Variants in CHLSN observed in about 807,000 individuals in gnomAD.
CHLSN encodes the protein protein cholesin.
the CHLSN span, among the ~76,000 whole-genome samples, chr7:1,016,832 GCAGCGCACGC>G: frequency 8.5e-6 from 1 of 117,694 alleles, no homozygotes; most frequent in East Asian, 2.4e-4. Context: ...GCAGCGCACA[GCAGCGCACGC>G]CAGCACACAG....
chr7:1,122,794 A>G, the CHLSN span, among the ~76,000 whole-genome samples: 5 of 152,232 alleles, frequency 3.3e-5, no homozygotes, highest in Non-Finnish European at 7.3e-5. Context: ...GGAAGCAGAC[A>G]GGGCAAACCC....
the CHLSN span, among the ~76,000 whole-genome samples, chr7:1,134,504 G>T: frequency 6.6e-6 from 1 of 152,002 alleles, no homozygotes; most frequent in East Asian, 1.9e-4. Context: ...AAACTATGGA[G>T]ATTACAGTGA....
chr7:1,034,565 A>G, the CHLSN span, among the ~76,000 whole-genome samples: 51 of 152,304 alleles, frequency 3.3e-4, 4 homozygotes, highest in East Asian at 9.8e-3. Context: ...ACACAGAGGA[A>G]CAGAGAACAG....
At chr7:985,372 G>A in the CHLSN span, 2 of 1,530,536 alleles carry the variant, frequency 1.3e-6, no homozygotes, top group Admixed American at 2.0e-5. Context: ...CTGGAGTGAT[G>A]GGCGTGCAGC....
the CHLSN span, among the ~76,000 whole-genome samples, chr7:1,071,638 G>A: frequency 6.6e-6 from 1 of 152,198 alleles, no homozygotes; most frequent in African/African-American, 2.4e-5. Context: ...GGCAGGAACA[G>A]GTTCAGGAGA....
At chr7:1,070,891 C>T in the CHLSN span, among the ~76,000 whole-genome samples, 11 of 150,204 alleles carry the variant, frequency 7.3e-5, no homozygotes, top group Admixed American at 4.0e-4. Flanking sequence ...CATGCACACA[C>T]GTGCACACAC....
chr7:1,045,774 C>T, the CHLSN span: 1 of 152,266 alleles, frequency 6.6e-6, no homozygotes, highest in Admixed American at 6.5e-5. Context: ...GACTTAAGAA[C>T]ATAGTTTATA....
At chr7:1,124,566 TGGG>T in the CHLSN span, among the ~76,000 whole-genome samples, 1 of 25,286 alleles carries the variant, frequency 4.0e-5, no homozygotes, top group African/African-American at 2.4e-4. Context: ...AGTCGGGGGG[TGGG>T]GGGGGAGGGG....
the CHLSN span, among the ~76,000 whole-genome samples, chr7:1,116,705 C>T: frequency 9.1e-5 from 5 of 54,888 alleles, 1 homozygote; most frequent in Non-Finnish European, 3.1e-5. Flanking sequence ...CTCTACGGAC[C>T]GGCTTCCATC....
chr7:1,104,674 G>A, the CHLSN span, among the ~76,000 whole-genome samples: 8 of 152,342 alleles, frequency 5.3e-5, no homozygotes, highest in South Asian at 6.2e-4. Context: ...AGCAGGAGAC[G>A]TGAGCCGGGT....
chr7:1,045,621 G>A, the CHLSN span: 1 of 152,192 alleles, frequency 6.6e-6, no homozygotes, highest in Non-Finnish European at 1.5e-5. Context: ...AGTGAACGGA[G>A]GCACTGTTAA....
chr7:1,097,274 G>A, the CHLSN span, among the ~76,000 whole-genome samples: 2 of 152,176 alleles, frequency 1.3e-5, no homozygotes, highest in Non-Finnish European at 1.5e-5. The surrounding 1 kb of genome is among the most constrained non-coding windows in gnomAD (Gnocchi z 4.3). Context: ...GATTTGGGCC[G>A]GGGCAGGGAG....
At chr7:980,100 T>C in the CHLSN span, among the ~76,000 whole-genome samples, 91 of 152,286 alleles carry the variant, frequency 6.0e-4, 1 homozygote, top group Admixed American at 1.2e-3. Flanking sequence ...GACAGTGTGG[T>C]TGGGAGAATC....
chr7:987,158 C>A, the CHLSN span: 1 of 1,577,370 alleles, frequency 6.3e-7, no homozygotes, highest in Admixed American at 1.8e-5. Flanking sequence ...GGCCTGCACC[C>A]TGGACATGGT....
the CHLSN span, among the ~76,000 whole-genome samples, chr7:1,116,018 G>C: frequency 1.1e-4 from 14 of 123,456 alleles, no homozygotes; most frequent in African/African-American, 4.0e-4. Flanking sequence ...CGCCCACGCA[G>C]GATGATGACA....
chr7:1,067,231 A>G, the CHLSN span, among the ~76,000 whole-genome samples: 1 of 118,498 alleles, frequency 8.4e-6, no homozygotes, highest in Non-Finnish European at 1.7e-5. Context: ...CCCAGAAGTG[A>G]GGGTTTGGGG....
chr7:984,934 C>A, the CHLSN span: 1 of 1,581,558 alleles, frequency 6.3e-7, no homozygotes, highest in Non-Finnish European at 8.6e-7. Context: ...TCACCACGCA[C>A]TGTATCTGCC....
the CHLSN span, among the ~76,000 whole-genome samples, chr7:1,136,435 TATATATAAATATATATAAAC>T: frequency 9.6e-6 from 1 of 103,896 alleles, no homozygotes; most frequent in Non-Finnish European, 1.7e-5. Flanking sequence ...TATATAAACA[TATATATAAATATATATAAAC>T]ATATATAAAC....
At chr7:1,116,237 G>A in the CHLSN span, among the ~76,000 whole-genome samples, 2 of 141,090 alleles carry the variant, frequency 1.4e-5, no homozygotes, top group African/African-American at 2.7e-5. Context: ...GCCCACGCAG[G>A]ATGACTTCAC....
Sources: gnomAD v4.1 joint callset for allele counts (sites outside exome capture counted in the v4.1 genomes callset) on GRCh38, gnomAD v4.1.1 for gene constraint, Gnocchi (gnomAD v3.1) non-coding constraint, MANE v1.5 for transcripts, NCBI Gene and HGNC (gene_info 2026-07-23, HGNC 2026-07-21) for gene names.